The following DPY19L1 variants were observed in gnomAD, a reference collection of about 807,000 sequenced individuals.
DPY19L1 encodes dpy-19 like C-mannosyltransferase 1.
In DPY19L1, 35 loss-of-function variants were observed where a neutral mutation model predicts 96.9. That is an observed-to-expected ratio of 0.36 (90% CI 0.28 to 0.48). The LOEUF is 0.48. Ranked by LOEUF, DPY19L1 falls within the 20% of genes least tolerant of loss-of-function variation. The pLI is 0.99. For missense variants in DPY19L1, 521 were observed against 777.9 expected (o/e 0.67, Z 3.93); for synonymous variants, 205 against 252.6 (o/e 0.81, Z 1.79).
chr7:35,037,565 G>T (rs1372005211), upstream of DPY19L1: 2 of 302,932 alleles, frequency 6.6e-6, no homozygotes, highest in Non-Finnish European at 1.2e-5. Context: ...TGGAGGCCGG[G>T]CGGCTGCTGC....
chr7:35,032,382 C>T (rs1584266879), intron 1 of DPY19L1, among the ~76,000 whole-genome samples: 3 of 152,098 alleles, frequency 2.0e-5, no homozygotes, highest in Admixed American at 1.3e-4. Context: ...AAAACAAGCA[C>T]AGTAATCATA....
rs1322694636 is a variant in DPY19L1 at position 34,938,096 on chromosome 7, G to A, written c.1988C>T (p.Ser663Leu). 1 of 1,613,488 alleles carries A rather than the reference G, an allele frequency of 6.2e-7. No individual in the cohort carries two copies. Among genetic ancestry groups the A allele is most frequent in the Admixed American group, 1.7e-5 (1 of 59,920 alleles). ...GLRARTKIVY[S>L]MYSRKAAEEV... is the part of the protein sequence containing the mutation. Reference sequence around the variant, plus strand: ...TTCGGCTGCTTTCCGACTATACATTGAGTATACTATTTTTGTTCTGGCTCT... The same window carrying A: ...TTCGGCTGCTTTCCGACTATACATTAAGTATACTATTTTTGTTCTGGCTCT... The change falls in exon 21 of 22, where the codon TCA (serine) becomes TTA (leucine). Residue 663 changes from serine (S) to leucine (L), a missense_variant. Transcript: ENST00000638088.
At chr7:34,959,929 A>ATATATTTT (rs1562807019) in intron 10 of DPY19L1, among the ~76,000 whole-genome samples, 2 of 50,388 alleles carry the variant, frequency 4.0e-5, no homozygotes, top group Non-Finnish European at 7.9e-5. Flanking sequence ...ATATATTTAT[A>ATATATTTT]TATATATATA....
At chr7:35,000,103 T>C (rs1785386972) in intron 6 of DPY19L1, among the ~76,000 whole-genome samples, 1 of 152,180 alleles carries the variant, frequency 6.6e-6, no homozygotes, top group Admixed American at 6.5e-5. Flanking sequence ...ATAACTAACA[T>C]ACCCATTGTA....
At chr7:35,014,616 G>T (rs1175433803) in intron 3 of DPY19L1, among the ~76,000 whole-genome samples, 1 of 151,932 alleles carries the variant, frequency 6.6e-6, no homozygotes, top group African/African-American at 2.4e-5. Context: ...TATTGAAAAA[G>T]AAAAAAATGG....
At chr7:34,946,655 T>C (rs1353423918) in intron 15 of DPY19L1, among the ~76,000 whole-genome samples, 2 of 152,102 alleles carry the variant, frequency 1.3e-5, no homozygotes, top group African/African-American at 2.4e-5. Flanking sequence ...CTTAACTGAT[T>C]AGAGATTAAA....
chr7:35,018,111 T>C (rs1035864612), intron 2 of DPY19L1, 142 bp from the exon 3 acceptor site: 4 of 455,344 alleles, frequency 8.8e-6, no homozygotes, highest in Non-Finnish European at 1.4e-5. Flanking sequence ...GTATCTATAT[T>C]TTTTTCACTC....
intron 10 of DPY19L1, among the ~76,000 whole-genome samples, chr7:34,965,501 G>A (rs1784589710): frequency 6.6e-6 from 1 of 152,026 alleles, no homozygotes; most frequent in South Asian, 2.1e-4. Flanking sequence ...AATTCAAAAA[G>A]TCAGAATAGT....
At chr7:34,985,123 A>G (rs1323508278) in intron 7 of DPY19L1, among the ~76,000 whole-genome samples, 1 of 152,162 alleles carries the variant, frequency 6.6e-6, no homozygotes, top group African/African-American at 2.4e-5. Flanking sequence ...AGGTCTCTGC[A>G]CCTTTCATTT....
chr7:34,980,651 AAG>A (rs746566352), intron 7 of DPY19L1, among the ~76,000 whole-genome samples: 2 of 152,302 alleles, frequency 1.3e-5, no homozygotes, highest in East Asian at 1.9e-4. Context: ...TATTAAACAA[AAG>A]AGAGTATCTA....
chr7:35,014,308 T>C (rs1178203454), intron 3 of DPY19L1, among the ~76,000 whole-genome samples: 1 of 151,396 alleles, frequency 6.6e-6, no homozygotes, highest in Non-Finnish European at 1.5e-5. Context: ...GGGATAAGGG[T>C]GGGGAGTGGT....
chr7:34,958,113 C>T, intron 10 of DPY19L1, 43 bp from the exon 11 acceptor site: 1 of 1,386,254 alleles, frequency 7.2e-7, no homozygotes, highest in Non-Finnish European at 9.8e-7. Context: ...GCACATAAAA[C>T]AAAAAACCTT....
chr7:34,993,812 C>T (rs1368078292), intron 6 of DPY19L1, among the ~76,000 whole-genome samples: 1 of 151,864 alleles, frequency 6.6e-6, no homozygotes, highest in Non-Finnish European at 1.5e-5. Context: ...GTAATCTCAG[C>T]ACTTTGGAAG....
intron 16 of DPY19L1, among the ~76,000 whole-genome samples, chr7:34,945,337 A>C (rs1408732699): frequency 6.6e-6 from 1 of 152,184 alleles, no homozygotes; most frequent in African/African-American, 2.4e-5. Flanking sequence ...GCTCATTTCC[A>C]AAAAGGCAGT....
chr7:34,965,766 G>T (rs1784595963), intron 10 of DPY19L1, among the ~76,000 whole-genome samples: 1 of 151,990 alleles, frequency 6.6e-6, no homozygotes, highest in African/African-American at 2.4e-5. Context: ...AATGAGAGAA[G>T]ACAATGTTTG....
At chr7:34,933,307 G>A (rs1427584500) in intron 21 of DPY19L1, among the ~76,000 whole-genome samples, 3 of 152,152 alleles carry the variant, frequency 2.0e-5, no homozygotes, top group African/African-American at 4.8e-5. Flanking sequence ...CTCGCTTCCC[G>A]AGTCCACAGT....
intron 21 of DPY19L1, among the ~76,000 whole-genome samples, chr7:34,934,957 T>A (rs1783835082): frequency 6.6e-6 from 1 of 152,152 alleles, no homozygotes; most frequent in Non-Finnish European, 1.5e-5. Flanking sequence ...TTTCTTACCT[T>A]CCCTTCATCA....
chr7:35,017,534 T>G (rs1584258208), intron 3 of DPY19L1, among the ~76,000 whole-genome samples: 1 of 99,890 alleles, frequency 1.0e-5, no homozygotes, highest in African/African-American at 3.9e-5. Context: ...TAGCCGGGCA[T>G]GGTGGCAGGC....
At chr7:34,998,461 C>A (rs1200055528) in intron 6 of DPY19L1, among the ~76,000 whole-genome samples, 1 of 152,166 alleles carries the variant, frequency 6.6e-6, no homozygotes, top group African/African-American at 2.4e-5. Flanking sequence ...GAACACTGAC[C>A]CTGCCTCAGA....
Sources: allele counts gnomAD v4.1 joint callset (sites outside exome capture counted in the v4.1 genomes callset), GRCh38; gene constraint gnomAD v4.1.1; transcripts MANE v1.5; gene names NCBI Gene and HGNC (gene_info 2026-07-23, HGNC 2026-07-21).